Variants in PTPRJ observed in about 807,000 individuals in gnomAD.
PTPRJ encodes the protein receptor-type tyrosine-protein phosphatase eta.
A neutral mutation model predicts 141.3 loss-of-function variants in PTPRJ; 129 were observed. That is an observed-to-expected ratio of 0.91 (90% CI 0.79 to 1.06). PTPRJ has a LOEUF of 1.06. PTPRJ is among the 50% of genes least tolerant of loss of function. The pLI, the probability that PTPRJ is intolerant of heterozygous loss-of-function variation, is 0.00. For synonymous variants in PTPRJ, 610 were observed against 640.5 expected (o/e 0.95, Z 0.72); for missense variants, 1,601 against 1,679.7 (o/e 0.95, Z 0.82).
chr11:48,135,911 G>A, intron 8 of PTPRJ, 128 bp from the exon 9 acceptor site: 1 of 1,064,554 alleles, frequency 9.4e-7, no homozygotes, highest in Non-Finnish European at 1.4e-6. Context: ...CGATTTTGGA[G>A]TGTGCCTTTT....
intron 1 of PTPRJ, among the ~76,000 whole-genome samples, chr11:48,050,353 G>A (rs1056641115): frequency 1.3e-5 from 2 of 151,752 alleles, no homozygotes; most frequent in East Asian, 3.9e-4. Flanking sequence ...GGCCTCCCCC[G>A]TTAGCAACAC....
chr11:48,134,223 A>C (rs138093041), intron 8 of PTPRJ, among the ~76,000 whole-genome samples: 26 of 152,282 alleles, frequency 1.7e-4, no homozygotes, highest in African/African-American at 6.3e-4. Flanking sequence ...GTATACTGTA[A>C]TTATTATACA....
At chr11:47,999,472 A>T (rs149293313) in intron 1 of PTPRJ, among the ~76,000 whole-genome samples, 262 of 152,330 alleles carry the variant, frequency 1.7e-3, no homozygotes, top group African/African-American at 5.9e-3. Flanking sequence ...AATTCTCCCA[A>T]TTAGAACTTA....
intron 1 of PTPRJ, among the ~76,000 whole-genome samples, chr11:47,992,726 A>G (rs929526852): frequency 4.6e-5 from 7 of 152,218 alleles, no homozygotes; most frequent in Non-Finnish European, 1.0e-4. Flanking sequence ...TGTAAAATCA[A>G]TTTAGTGAGT....
At chr11:48,010,836 T>TA (rs1307183993) in intron 1 of PTPRJ, among the ~76,000 whole-genome samples, 2 of 150,392 alleles carry the variant, frequency 1.3e-5, no homozygotes, top group African/African-American at 4.9e-5. Context: ...ATGCCTGGCC[T>TA]ATTATTATTA....
In PTPRJ at chr11:48,121,147, T is replaced by G. The variant is rs376757524; in HGVS notation, c.497T>G (p.Val166Gly). ...GAAAATGAGAAGACAATTACTGTTGTGCATCAACCATGGTGTAACATCACA... is the reference window on the plus strand; with the variant it reads ...GAAAATGAGAAGACAATTACTGTTGGGCATCAACCATGGTGTAACATCACA... Reference protein sequence around the residue: ...KMENEKTITVVHQPWCNITGL... With the variant: ...KMENEKTITVGHQPWCNITGL... Residue 166 changes from valine (V) to glycine (G), a missense_variant, in exon 4 of 25, where the codon GTG becomes GGG. By Grantham distance (109) the Val-to-Gly change is moderately radical. Transcript: ENST00000418331. 7.4e-6 allele frequency: 12 copies of G among 1,614,052 alleles called. No homozygotes were observed. The African/African-American group carries it at 1.6e-4, about 22-fold the overall frequency.
intron 1 of PTPRJ, among the ~76,000 whole-genome samples, chr11:48,003,349 CT>C (rs1854547886): frequency 6.6e-6 from 1 of 152,140 alleles, no homozygotes. Flanking sequence ...AGATATCTTT[CT>C]GGTATTAGAC....
chr11:48,094,254 T>G (rs543707061), intron 1 of PTPRJ, among the ~76,000 whole-genome samples: 10 of 152,228 alleles, frequency 6.6e-5, no homozygotes, highest in Non-Finnish European at 1.3e-4. Context: ...AAGAAAGTTC[T>G]TACATTGTTA....
intron 1 of PTPRJ, among the ~76,000 whole-genome samples, chr11:48,086,212 C>A (rs779525697): frequency 3.3e-5 from 5 of 152,110 alleles, no homozygotes; most frequent in African/African-American, 4.8e-5. Flanking sequence ...GAGTCTCTGT[C>A]GCCCAGGCTG....
chr11:48,026,953 G>A (rs1853829221), intron 1 of PTPRJ, among the ~76,000 whole-genome samples: 1 of 150,914 alleles, frequency 6.6e-6, no homozygotes, highest in Admixed American at 6.6e-5. Flanking sequence ...TTTGAAATAA[G>A]GCTCCATGAC....
intron 1 of PTPRJ, among the ~76,000 whole-genome samples, chr11:47,991,269 T>C (rs997700936): frequency 6.6e-6 from 1 of 152,144 alleles, no homozygotes; most frequent in Non-Finnish European, 1.5e-5. Context: ...GGATATTGAC[T>C]GTGTCCCTTA....
chr11:48,139,715 C>T lies in PTPRJ; in HGVS notation c.2382C>T (p.Thr794=), dbSNP rs767735903. 4.3e-5 allele frequency: 69 copies of T among 1,614,054 alleles called. 3 individuals carry two copies. In the South Asian group the frequency reaches 7.0e-4, roughly 16 times the overall value. ...NFSTSYNISI[T]TVSCGKMAAP... ...CTACCTCGTACAACATCAGCATCAC[C>T]ACTGTGTCCTGTGGAAAGATGGCAG... Residue 794 remains threonine (T), a synonymous_variant, in exon 11 of 25, where the codon ACC becomes ACT. Coordinates refer to ENST00000418331, the MANE Select transcript of PTPRJ (RefSeq NM_002843.4).
At chr11:48,039,464 G>GGGGTGT (rs536448671) in intron 1 of PTPRJ, among the ~76,000 whole-genome samples, 111 of 146,538 alleles carry the variant, frequency 7.6e-4, no homozygotes, top group African/African-American at 2.7e-3. Flanking sequence ...ACAACACTAT[G>GGGGTGT]GTGTGTGTGT....
chr11:48,039,333 A>G (rs1443299592), intron 1 of PTPRJ, among the ~76,000 whole-genome samples: 2 of 148,274 alleles, frequency 1.3e-5, no homozygotes, highest in Admixed American at 1.3e-4. Context: ...CGGCTTAGAG[A>G]GGTTAAAAAA....
rs148520861 is a variant in PTPRJ at position 48,101,010 on chromosome 11, G to A, written c.97-9048G>A. On this transcript the variant is annotated intron_variant, in intron 1 of 24. Transcript: ENST00000418331. ...CTGTCATTGCTCATTGCTGAGAGTGGGTAAGGGGCTTTCTCAGGTTCCTGT... is the reference window on the plus strand; with the variant it reads ...CTGTCATTGCTCATTGCTGAGAGTGAGTAAGGGGCTTTCTCAGGTTCCTGT... Among the ~76,000 whole-genome samples the A allele has an allele frequency of 2.2e-3, 336 of 152,244 alleles. 4 individuals are homozygous for A. The highest frequency in any genetic ancestry group is 3.5e-3 in the Admixed American group (54 of 15,296).
intron 1 of PTPRJ, among the ~76,000 whole-genome samples, chr11:48,053,478 A>ATT (rs992416866): frequency 1.3e-4 from 15 of 111,988 alleles, no homozygotes; most frequent in African/African-American, 6.1e-4. Context: ...ATATATAAAA[A>ATT]ATATATATAA....
intron 1 of PTPRJ, among the ~76,000 whole-genome samples, chr11:48,082,799 G>A (rs1855599631): frequency 6.6e-6 from 1 of 152,114 alleles, no homozygotes; most frequent in South Asian, 2.1e-4. Flanking sequence ...TTACATAATA[G>A]GGGTGACACT....
chr11:47,991,720 G>A (rs1854197883), intron 1 of PTPRJ, among the ~76,000 whole-genome samples: 1 of 152,112 alleles, frequency 6.6e-6, no homozygotes, highest in Non-Finnish European at 1.5e-5. Context: ...ACGGGCTTTG[G>A]AGTCAGAGCC....
chr11:48,080,352 G>A (rs1855525479), intron 1 of PTPRJ, among the ~76,000 whole-genome samples: 1 of 152,166 alleles, frequency 6.6e-6, no homozygotes, highest in Non-Finnish European at 1.5e-5. Context: ...CTACAACTAT[G>A]GGAAGTAGCT....
Sources: allele counts gnomAD v4.1 joint callset (sites outside exome capture counted in the v4.1 genomes callset), GRCh38; gene constraint gnomAD v4.1.1; transcripts MANE v1.5; gene names NCBI Gene and HGNC (gene_info 2026-07-23, HGNC 2026-07-21).